NCAM2: variants seen among roughly 807,000 people sequenced by gnomAD.
NCAM2 encodes N-CAM-2.
A neutral mutation model predicts 98.1 loss-of-function variants in NCAM2; 30 were observed. The ratio of observed to expected loss-of-function variants is 0.31; its 90% CI spans 0.23 to 0.41. The LOEUF is 0.41. Ranked by LOEUF, NCAM2 falls within the 10% of genes least tolerant of loss-of-function variation. NCAM2 has a pLI of 1.00. For missense variants in NCAM2, 867 were observed against 1,005.8 expected (o/e 0.86, Z 1.87); for synonymous variants, 368 against 342.4 (o/e 1.07, Z -0.83).
chr21:21,260,338 GA>G (rs1473870215), intron 1 of NCAM2, among the ~76,000 whole-genome samples: 2 of 151,582 alleles, frequency 1.3e-5, no homozygotes, highest in Admixed American at 6.6e-5. Flanking sequence ...CCAGATACAA[GA>G]AATTCAGACA....
chr21:21,526,758 T>C (rs1378999159), intron 16 of NCAM2, among the ~76,000 whole-genome samples: 2 of 152,136 alleles, frequency 1.3e-5, no homozygotes, highest in Non-Finnish European at 2.9e-5. Flanking sequence ...CTTTGTGATA[T>C]TGGCCAAAGA....
At chr21:21,140,041 T>G (rs1329735933) in intron 1 of NCAM2, among the ~76,000 whole-genome samples, 1 of 152,174 alleles carries the variant, frequency 6.6e-6, no homozygotes, top group Non-Finnish European at 1.5e-5. Flanking sequence ...TCATGGTGGG[T>G]TCTAAGATTT....
chr21:21,464,540 A>T (rs1287874840), intron 12 of NCAM2, among the ~76,000 whole-genome samples: 1 of 152,160 alleles, frequency 6.6e-6, no homozygotes, highest in Non-Finnish European at 1.5e-5. Flanking sequence ...AAAACCAAAC[A>T]AAATGCTAAA....
chr21:21,076,963 G>T (rs1476986538), intron 1 of NCAM2, among the ~76,000 whole-genome samples: 1 of 152,138 alleles, frequency 6.6e-6, no homozygotes, highest in Admixed American at 6.5e-5. Context: ...AATTGTTGAG[G>T]CTGATTTCTT....
intron 1 of NCAM2, among the ~76,000 whole-genome samples, chr21:21,115,954 A>ATT (rs1323364106): frequency 6.0e-5 from 5 of 83,626 alleles, no homozygotes; most frequent in South Asian, 6.3e-4. Context: ...CTTCTCTGAG[A>ATT]TTTTGTGTGT....
intron 9 of NCAM2, among the ~76,000 whole-genome samples, chr21:21,395,786 G>A (rs2076492008): frequency 2.7e-5 from 4 of 150,168 alleles, no homozygotes; most frequent in South Asian, 2.1e-4. Context: ...TCAACAAACG[G>A]TACTGGGATA....
chr21:21,411,427 G>A (rs1289122125), intron 10 of NCAM2, among the ~76,000 whole-genome samples: 1 of 150,532 alleles, frequency 6.6e-6, no homozygotes, highest in South Asian at 2.1e-4. Context: ...AAATTTACTT[G>A]TTCAGTATCT....
At chr21:21,537,824 C>T (rs747037588) in intron 17 of NCAM2, 22 bp from the exon 18 acceptor site, 6 of 1,279,882 alleles carry the variant, frequency 4.7e-6, no homozygotes, top group Non-Finnish European at 6.6e-6. Context: ...GAAAATGAAG[C>T]TTATTATTTT....
intron 1 of NCAM2, among the ~76,000 whole-genome samples, chr21:21,022,296 G>T (rs1178925678): frequency 6.6e-6 from 1 of 152,006 alleles, no homozygotes; most frequent in Non-Finnish European, 1.5e-5. Flanking sequence ...ACTTAATGAA[G>T]AATATATACA....
rs565943249 is a variant in NCAM2 at position 21,217,064 on chromosome 21, G to A, written c.56-63514G>A. Among the ~76,000 whole-genome samples, 23 of 152,250 alleles carry A rather than the reference G, an allele frequency of 1.5e-4. No homozygotes were observed. The South Asian group carries it at 4.8e-3, about 32-fold the overall frequency. ...AGTGTAATGATTGAAGGTATAAGGGGTATACATAGCACAGGATAAATGCTG... is the reference window on the plus strand; with the variant it reads ...AGTGTAATGATTGAAGGTATAAGGGATATACATAGCACAGGATAAATGCTG... On this transcript the variant is annotated intron_variant, in intron 1 of 17. Transcript: ENST00000400546.
intron 17 of NCAM2, among the ~76,000 whole-genome samples, chr21:21,536,156 T>C (rs960580200): frequency 6.6e-6 from 1 of 152,134 alleles, no homozygotes; most frequent in African/African-American, 2.4e-5. Context: ...CCTGCTCTCG[T>C]TGGTACAATG....
chr21:21,358,639 T>C (rs532569769), intron 8 of NCAM2, among the ~76,000 whole-genome samples: 1 of 152,208 alleles, frequency 6.6e-6, no homozygotes, highest in South Asian at 2.1e-4. Flanking sequence ...ATGATAGTTT[T>C]GGCATTCCAA....
At chr21:21,008,651 C>T (rs2064152239) in intron 1 of NCAM2, among the ~76,000 whole-genome samples, 1 of 152,154 alleles carries the variant, frequency 6.6e-6, no homozygotes, top group South Asian at 2.1e-4. Flanking sequence ...GTTTTACTCA[C>T]ATCCATGAAG....
chr21:21,081,105 G>A (rs138672241), intron 1 of NCAM2, among the ~76,000 whole-genome samples: 104 of 152,260 alleles, frequency 6.8e-4, no homozygotes, highest in African/African-American at 2.3e-3. Flanking sequence ...CGTGCACAGT[G>A]GCCTGCTTGC....
intron 15 of NCAM2, among the ~76,000 whole-genome samples, chr21:21,488,074 A>G (rs1380661963): frequency 6.6e-6 from 1 of 152,154 alleles, no homozygotes; most frequent in Non-Finnish European, 1.5e-5. Context: ...ATGCCTATCT[A>G]TAGAAGGGGT....
intron 1 of NCAM2, among the ~76,000 whole-genome samples, chr21:21,185,760 C>G (rs2068620365): frequency 6.6e-6 from 1 of 152,086 alleles, no homozygotes; most frequent in Admixed American, 6.6e-5. Flanking sequence ...TGTATTGTAT[C>G]ATGTTCACAC....
At chr21:21,424,843 C>A (rs778108116) in intron 11 of NCAM2, among the ~76,000 whole-genome samples, 1 of 151,566 alleles carries the variant, frequency 6.6e-6, no homozygotes, top group Non-Finnish European at 1.5e-5. Flanking sequence ...ACCAGCCTGG[C>A]CAACATGGTG....
At chr21:21,452,658 TTATA>T (rs1262371085) in intron 12 of NCAM2, among the ~76,000 whole-genome samples, 1 of 111,570 alleles carries the variant, frequency 9.0e-6, no homozygotes, top group Non-Finnish European at 1.7e-5. Flanking sequence ...AATATATATA[TTATA>T]TATATTTAAT....
intron 1 of NCAM2, among the ~76,000 whole-genome samples, chr21:21,018,042 T>G (rs1388857712): frequency 6.6e-6 from 1 of 152,334 alleles, no homozygotes; most frequent in East Asian, 1.9e-4. Context: ...ACGTTATTAG[T>G]TCTTTGCTGA....
Sources: allele counts gnomAD v4.1 joint callset (sites outside exome capture counted in the v4.1 genomes callset), GRCh38; gene constraint gnomAD v4.1.1; transcripts MANE v1.5; gene names NCBI Gene and HGNC (gene_info 2026-07-23, HGNC 2026-07-21).